Variants in NAV3 observed in about 807,000 individuals in gnomAD.
NAV3 encodes the protein neuron navigator 3, also known as pore membrane and/or filament interacting like protein 1.
In NAV3, 87 loss-of-function variants were observed where a neutral mutation model predicts 244.7. The observed-to-expected ratio is 0.36, with a 90% confidence interval of 0.30 to 0.42. The LOEUF (loss-of-function observed/expected upper bound fraction) is 0.42. NAV3 is among the 20% of genes least tolerant of loss of function. The probability of loss-of-function intolerance (pLI) is 1.00; values close to 1 mark genes in which losing one functional copy is unlikely to be tolerated. For synonymous variants in NAV3, 1,126 were observed against 1,042.2 expected (o/e 1.08, Z -1.55); for missense variants, 2,663 against 2,893.3 (o/e 0.92, Z 1.83).
chr12:77,629,236 T>G (rs1289715360), intron 2 of NAV3, among the ~76,000 whole-genome samples: 1 of 152,242 alleles, frequency 6.6e-6, no homozygotes, highest in Non-Finnish European at 1.5e-5. Flanking sequence ...CCCAACTGGC[T>G]TGGACATAAG....
At chr12:77,589,623 A>G (rs1869812275) in intron 2 of NAV3, among the ~76,000 whole-genome samples, 1 of 152,238 alleles carries the variant, frequency 6.6e-6, no homozygotes, top group Non-Finnish European at 1.5e-5. Flanking sequence ...AGATCTCATG[A>G]GAATTTACTC....
chr12:77,660,700 A>G (rs1046172803), intron 2 of NAV3, among the ~76,000 whole-genome samples: 4 of 152,082 alleles, frequency 2.6e-5, no homozygotes, highest in Non-Finnish European at 5.9e-5. Flanking sequence ...CTTTAGTCTA[A>G]TTTTAGAATG....
At chr12:77,803,660 G>C (rs1001139742) in intron 2 of NAV3, among the ~76,000 whole-genome samples, 1 of 152,140 alleles carries the variant, frequency 6.6e-6, no homozygotes, top group African/African-American at 2.4e-5. Flanking sequence ...GGATTGCTGG[G>C]TCAAATGGTA....
intron 2 of NAV3, among the ~76,000 whole-genome samples, chr12:77,818,250 C>A (rs562562743): frequency 6.6e-6 from 1 of 152,206 alleles, no homozygotes; most frequent in Non-Finnish European, 1.5e-5. Flanking sequence ...TCATAAGAAT[C>A]TGAGGTCTGT....
chr12:77,797,449 G>T (rs1303856950), intron 2 of NAV3, among the ~76,000 whole-genome samples: 2 of 149,922 alleles, frequency 1.3e-5, no homozygotes, highest in African/African-American at 4.9e-5. Context: ...TATATATTTT[G>T]GGCAAATTGG....
At chr12:77,981,173 G>A (rs536920727) in intron 5 of NAV3, among the ~76,000 whole-genome samples, 1 of 152,070 alleles carries the variant, frequency 6.6e-6, no homozygotes, top group Non-Finnish European at 1.5e-5. Context: ...TGAACTCTTA[G>A]CAAAAGGAGA....
At chr12:77,873,754 ATATATATATATATG>A (rs1404790762) in intron 1 of NAV3, among the ~76,000 whole-genome samples, 92 of 110,534 alleles carry the variant, frequency 8.3e-4, no homozygotes, top group East Asian at 7.9e-3. Context: ...GTATATATAT[ATATATATATATATG>A]TATATAACAG....
At chr12:78,178,331 T>C (rs1038885434) in intron 28 of NAV3, among the ~76,000 whole-genome samples, 6 of 151,896 alleles carry the variant, frequency 4.0e-5, no homozygotes, top group African/African-American at 1.4e-4. Flanking sequence ...GGCTAATTTT[T>C]TGTATTTTTA....
chr12:77,608,788 C>T (rs1274987889), intron 2 of NAV3, among the ~76,000 whole-genome samples: 2 of 151,980 alleles, frequency 1.3e-5, no homozygotes, highest in Non-Finnish European at 2.9e-5. Flanking sequence ...TTTTTTCTGG[C>T]ATGCAGTGTG....
chr12:77,747,664 G>A (rs553439612), intron 2 of NAV3, among the ~76,000 whole-genome samples: 2 of 152,206 alleles, frequency 1.3e-5, no homozygotes, highest in South Asian at 2.1e-4. Context: ...CTGGATTAAG[G>A]AAATGTGGCA....
intron 2 of NAV3, among the ~76,000 whole-genome samples, chr12:77,706,064 G>T (rs1875784734): frequency 6.6e-6 from 1 of 151,176 alleles, no homozygotes; most frequent in African/African-American, 2.5e-5. Context: ...CAGTTCTTTT[G>T]TAAAGAGAGG....
chr12:78,142,823 C>T (rs1185457509), intron 20 of NAV3, among the ~76,000 whole-genome samples: 2 of 150,796 alleles, frequency 1.3e-5, no homozygotes, highest in Non-Finnish European at 3.0e-5. Context: ...GATCGAGCCA[C>T]ATGAGAAGGT....
chr12:78,071,231 T>C (rs1358431518), intron 12 of NAV3, among the ~76,000 whole-genome samples: 1 of 152,214 alleles, frequency 6.6e-6, no homozygotes, highest in Non-Finnish European at 1.5e-5. Flanking sequence ...CCTGACTTTT[T>C]AATGATTGCC....
intron 1 of NAV3, among the ~76,000 whole-genome samples, chr12:77,888,690 G>T (rs989167523): frequency 6.6e-6 from 1 of 152,076 alleles, no homozygotes; most frequent in African/African-American, 2.4e-5. Flanking sequence ...TGTATCCAAA[G>T]ATCCTATAGT....
intron 5 of NAV3, among the ~76,000 whole-genome samples, chr12:77,982,447 A>G (rs999495189): frequency 2.0e-5 from 3 of 152,194 alleles, no homozygotes; most frequent in Admixed American, 6.6e-5. Flanking sequence ...CTTAATAGAC[A>G]TGTTAATTAA....
intron 29 of NAV3, 26 bp downstream of exon 29, chr12:78,179,708 A>C (rs1958417754): frequency 1.3e-6 from 2 of 1,584,272 alleles, no homozygotes; most frequent in Non-Finnish European, 8.6e-7. Context: ...CTTTCAAGGA[A>C]TAAAATGGAG....
chr12:77,848,510 T>C (rs1012602447), intron 1 of NAV3, among the ~76,000 whole-genome samples: 1 of 152,234 alleles, frequency 6.6e-6, no homozygotes. Flanking sequence ...GAAAAATCTA[T>C]GAGAAGTCCT....
At chr12:78,128,235 G>T (rs753043229) in intron 17 of NAV3, among the ~76,000 whole-genome samples, 1 of 149,206 alleles carries the variant, frequency 6.7e-6, no homozygotes, top group Non-Finnish European at 1.5e-5. Context: ...ATGATGTCAA[G>T]TGGCAGTTTA....
intron 23 of NAV3, among the ~76,000 whole-genome samples, chr12:78,166,971 G>A (rs1957805484): frequency 1.3e-5 from 2 of 151,672 alleles, no homozygotes; most frequent in South Asian, 2.1e-4. Context: ...AATTTAATAT[G>A]CATTCTAGTA....
Sources: gnomAD v4.1 joint callset for allele counts (sites outside exome capture counted in the v4.1 genomes callset) on GRCh38, gnomAD v4.1.1 for gene constraint, MANE v1.5 for transcripts, NCBI Gene and HGNC (gene_info 2026-07-23, HGNC 2026-07-21) for gene names.